Variants in C12orf56 observed in about 807,000 individuals in gnomAD.
The protein encoded by C12orf56 is chromosome 12 open reading frame 56.
Under a neutral mutation model 69.9 loss-of-function variants are expected in C12orf56, and 71 were observed. The ratio of observed to expected loss-of-function variants is 1.02; its 90% CI spans 0.84 to 1.24. C12orf56 has a LOEUF of 1.24. C12orf56 is among the 50% of genes most tolerant of loss of function. C12orf56 has a pLI of 0.00. For synonymous variants in C12orf56, 276 were observed against 274.1 expected, an observed-to-expected ratio of 1.01 and a Z score of -0.07; for missense variants, 732 against 738.5, an observed-to-expected ratio of 0.99 and a Z score of 0.10.
At chr12:64,268,483 G>A (rs1480478608) in intron 12 of C12orf56, among the ~76,000 whole-genome samples, 1 of 152,136 alleles carries the variant, frequency 6.6e-6, no homozygotes, top group Non-Finnish European at 1.5e-5. Context: ...CTCCATTTAT[G>A]TAGAATGTCC....
intron 3 of C12orf56, among the ~76,000 whole-genome samples, chr12:64,328,679 CAAAAAAA>C (rs59688148): frequency 5.2e-5 from 3 of 57,918 alleles, no homozygotes; most frequent in African/African-American, 1.8e-4. Context: ...GACTCCATCT[CAAAAAAA>C]AAAAAAAAAA....
At chr12:64,296,208 A>T (rs2038362725) in intron 6 of C12orf56, among the ~76,000 whole-genome samples, 1 of 152,236 alleles carries the variant, frequency 6.6e-6, no homozygotes, top group Admixed American at 6.5e-5. Context: ...AGCAACCTAG[A>T]AAAAGCCTAG....
intron 6 of C12orf56, among the ~76,000 whole-genome samples, chr12:64,301,732 C>A (rs1386217124): frequency 6.6e-6 from 1 of 152,074 alleles, no homozygotes; most frequent in Non-Finnish European, 1.5e-5. Flanking sequence ...TCATCTGTAT[C>A]TCGTTATTGG....
At position 64,330,991 on chromosome 12, in the gene C12orf56, CTT is replaced by C. The variant is rs762611044; in HGVS notation, c.455_456del (p.Lys152ArgfsTer86). On this transcript the variant is annotated frameshift_variant, in exon 3 of 13. Coordinates refer to ENST00000543942, the MANE Select transcript of C12orf56 (RefSeq NM_001170633.2). LOFTEE classifies it high-confidence loss of function. ...EKNGLAFWRSKESRSLKESPL... is the reference protein window; with the variant it reads ...EKNGLAFWRSXESRSLKESPL... ...GGAGATTCTTTCAGACTTCTGGACT[CTT>C]TGCTTCTCCAAAAGGCAAGGCCGTT... 6 of 1,556,548 alleles carry C rather than the reference CTT, an allele frequency of 3.9e-6. No homozygotes were observed. In the Admixed American group the frequency reaches 5.8e-5, roughly 15 times the overall value.
chr12:64,385,980 G>T (rs1424474503), intron 1 of C12orf56, among the ~76,000 whole-genome samples: 1 of 151,980 alleles, frequency 6.6e-6, no homozygotes, highest in Non-Finnish European at 1.5e-5. Flanking sequence ...TGGGAAACAT[G>T]GCAAGACCCC....
At chr12:64,352,859 T>G (rs1471754819) in intron 2 of C12orf56, 35 bp downstream of exon 2, 2 of 1,535,706 alleles carry the variant, frequency 1.3e-6, no homozygotes, top group Non-Finnish European at 1.7e-6. Context: ...CTTTTTTTTT[T>G]GCCTTAGATC....
intron 5 of C12orf56, among the ~76,000 whole-genome samples, chr12:64,308,882 C>CAGAAAGGA (rs1198763069): frequency 6.0e-5 from 3 of 50,056 alleles, no homozygotes; most frequent in African/African-American, 2.7e-4. Context: ...AAGAAAGAAA[C>CAGAAAGGA]AGAAAGGAAG....
chr12:64,294,944 A>G (rs1163627507), intron 6 of C12orf56, among the ~76,000 whole-genome samples: 1 of 151,720 alleles, frequency 6.6e-6, no homozygotes, highest in Non-Finnish European at 1.5e-5. Flanking sequence ...TCTGTCGCCC[A>G]GGCTGGAGTG....
intron 1 of C12orf56, among the ~76,000 whole-genome samples, chr12:64,367,628 C>A (rs2039515174): frequency 6.6e-6 from 1 of 150,806 alleles, no homozygotes; most frequent in Admixed American, 6.7e-5. Context: ...GCCTCAGCCT[C>A]CCGAGTAGCT....
In C12orf56 at chr12:64,284,663, C is replaced by CTT; in HGVS notation, c.1309_1310dup (p.Gly438ArgfsTer9). The CTT allele has an allele frequency of 6.2e-7, 1 of 1,605,692 alleles. No individual in the cohort carries two copies. The highest frequency in any genetic ancestry group is 1.1e-5 in the South Asian group (1 of 88,666). On this transcript the variant is annotated frameshift_variant and splice_region_variant. Coordinates refer to ENST00000543942, the MANE Select transcript of C12orf56 (RefSeq NM_001170633.2). LOFTEE classifies it high-confidence loss of function. The stretch of plus-strand genomic sequence containing the variant: ...TCCCAATGTCTTCTAAAAGACCTTA[C>CTT]TTCTTAGCTGCCAATGTGTTCAGGC...
In C12orf56 at chr12:64,373,643, A is replaced by T. The variant is rs558745970; in HGVS notation, c.252+16671T>A. On this transcript the variant is annotated intron_variant, in intron 1 of 12. Transcript: ENST00000543942. ...TCTGCACAGCAAACTCTAACTCTCC[A>T]GTCTCCACTAAAGGAAGGAAAGCAA... Among the ~76,000 whole-genome samples, 11 of 152,340 alleles carry T rather than the reference A, an allele frequency of 7.2e-5. No individual in the cohort carries two copies. In the South Asian group the frequency reaches 2.3e-3, roughly 32 times the overall value.
At chr12:64,333,652 C>T (rs772653129) in intron 2 of C12orf56, among the ~76,000 whole-genome samples, 1 of 152,154 alleles carries the variant, frequency 6.6e-6, no homozygotes, top group Non-Finnish European at 1.5e-5. Context: ...CAGGCGCTTG[C>T]CACCATGCCC....
chr12:64,338,348 G>A, intron 2 of C12orf56: 1 of 614,438 alleles, frequency 1.6e-6, no homozygotes, highest in Non-Finnish European at 3.2e-6. Flanking sequence ...GACATAGCTG[G>A]TGGAGTTGAG....
chr12:64,353,973 G>C (rs1354929928), intron 1 of C12orf56, among the ~76,000 whole-genome samples: 2 of 152,280 alleles, frequency 1.3e-5, no homozygotes, highest in South Asian at 2.1e-4. Flanking sequence ...GAGCCACCGT[G>C]CCTGGTCCAC....
intron 1 of C12orf56, among the ~76,000 whole-genome samples, chr12:64,355,380 A>T (rs1427967149): frequency 6.6e-6 from 1 of 152,164 alleles, no homozygotes; most frequent in Non-Finnish European, 1.5e-5. Flanking sequence ...ACCTGAAATC[A>T]CCACTCAACT....
chr12:64,266,283 T>C lies in C12orf56; in HGVS notation c.*900A>G, dbSNP rs941789602. The C allele has an allele frequency of 8.5e-5, 13 of 152,684 alleles. No individual in the cohort carries two copies. Among genetic ancestry groups the C allele is most frequent in the African/African-American group, 2.7e-4 (11 of 41,486 alleles). The allele number at this position is 152,684 out of a possible 1,614,324, so 9.5% of individuals were successfully genotyped here. ...TTATATTTTCTGTGTTCACTCTCCA[T>C]AGGCTTCTGTTCCCTTGATAGATTT... On this transcript the variant is annotated 3_prime_UTR_variant, in exon 13 of 13. Coordinates refer to ENST00000543942, the MANE Select transcript of C12orf56 (RefSeq NM_001170633.2).
intron 9 of C12orf56, among the ~76,000 whole-genome samples, chr12:64,276,097 G>A (rs887893097): frequency 1.3e-5 from 2 of 151,716 alleles, no homozygotes; most frequent in Non-Finnish European, 2.9e-5. Context: ...ATAAATAGAG[G>A]GTTTAGAGAT....
intron 1 of C12orf56, among the ~76,000 whole-genome samples, chr12:64,378,973 C>T: frequency 6.6e-6 from 1 of 151,540 alleles, no homozygotes; most frequent in East Asian, 2.0e-4. Flanking sequence ...ATCACTTGAA[C>T]CCAGGAGGCA....
At chr12:64,385,334 A>C (rs891485703) in intron 1 of C12orf56, among the ~76,000 whole-genome samples, 8 of 151,618 alleles carry the variant, frequency 5.3e-5, no homozygotes, top group African/African-American at 1.7e-4. Flanking sequence ...CTCTGGTCTA[A>C]CTGTCTAAAT....
Sources: allele counts gnomAD v4.1 joint callset (sites outside exome capture counted in the v4.1 genomes callset), GRCh38; gene constraint gnomAD v4.1.1; transcripts MANE v1.5; gene names NCBI Gene and HGNC (gene_info 2026-07-23, HGNC 2026-07-21).